PRR16: variants seen among roughly 807,000 people sequenced by gnomAD.
PRR16 encodes the protein proline rich 16.
In PRR16, 6 loss-of-function variants were observed where a neutral mutation model predicts 18.2. The observed-to-expected ratio is 0.33, with a 90% CI of 0.18 to 0.65. The LOEUF (loss-of-function observed/expected upper bound fraction) is 0.65. PRR16 is among the 30% of genes least tolerant of loss of function. PRR16 has a pLI of 0.74. For missense variants in PRR16, 412 were observed against 376.6 expected, an observed-to-expected ratio of 1.09 and a Z score of -0.78; for synonymous variants, 151 against 147.8, an observed-to-expected ratio of 1.02 and a Z score of -0.16.
intron 1 of PRR16, among the ~76,000 whole-genome samples, chr5:120,511,560 A>G (rs999786843): frequency 7.2e-5 from 11 of 152,098 alleles, no homozygotes; most frequent in Non-Finnish European, 1.5e-4. Flanking sequence ...TAAGTTCTTC[A>G]TGGAAGTTTT....
At chr5:120,634,565 C>A (rs1487960171) in intron 1 of PRR16, among the ~76,000 whole-genome samples, 1 of 152,098 alleles carries the variant, frequency 6.6e-6, no homozygotes, top group Non-Finnish European at 1.5e-5. Flanking sequence ...ATCACTTGAA[C>A]CCAGGAGGTG....
the PRR16 span, among the ~76,000 whole-genome samples, chr5:120,775,964 C>A: frequency 1.6e-4 from 25 of 151,764 alleles, no homozygotes; most frequent in African/African-American, 5.8e-4. Flanking sequence ...ATAAATCTAA[C>A]CAGCTTACTT....
At chr5:120,498,296 A>G (rs1402660466) in intron 1 of PRR16, among the ~76,000 whole-genome samples, 1 of 149,156 alleles carries the variant, frequency 6.7e-6, no homozygotes, top group Non-Finnish European at 1.5e-5. Context: ...GTGTATATAT[A>G]TAAAAATACC....
chr5:120,496,628 A>G (rs1561517014), intron 1 of PRR16, among the ~76,000 whole-genome samples: 1 of 151,608 alleles, frequency 6.6e-6, no homozygotes, highest in Non-Finnish European at 1.5e-5. Context: ...CGAGATTTGT[A>G]AATTTATTTT....
At chr5:120,651,746 T>C (rs993116316) in intron 1 of PRR16, among the ~76,000 whole-genome samples, 49 of 152,216 alleles carry the variant, frequency 3.2e-4, no homozygotes, top group Non-Finnish European at 6.5e-4. Flanking sequence ...GTAATATAGC[T>C]TGAAGTCAGG....
chr5:120,497,482 C>T (rs758602685), intron 1 of PRR16, among the ~76,000 whole-genome samples: 1 of 149,428 alleles, frequency 6.7e-6, no homozygotes, highest in Non-Finnish European at 1.5e-5. Context: ...CCTCCGTCTC[C>T]TGGTTCACAC....
chr5:120,727,547 A>G, the PRR16 span, among the ~76,000 whole-genome samples: 1 of 152,144 alleles, frequency 6.6e-6, no homozygotes, highest in African/African-American at 2.4e-5. Context: ...TTAGAAAGCC[A>G]GGAGAATATT....
At chr5:120,643,730 C>T (rs1755498927) in intron 1 of PRR16, among the ~76,000 whole-genome samples, 1 of 152,012 alleles carries the variant, frequency 6.6e-6, no homozygotes, top group Admixed American at 6.6e-5. Context: ...TTAGGCTGGG[C>T]ATGGTGGCTC....
chr5:120,564,654 C>G (rs1752679465), intron 1 of PRR16, among the ~76,000 whole-genome samples: 1 of 152,128 alleles, frequency 6.6e-6, no homozygotes, highest in East Asian at 1.9e-4. Context: ...GTCAGTGATT[C>G]AAGCCCTCCT....
chr5:120,711,828 C>T, the PRR16 span, among the ~76,000 whole-genome samples: 1 of 152,176 alleles, frequency 6.6e-6, no homozygotes, highest in Non-Finnish European at 1.5e-5. Context: ...ATAACTTACA[C>T]TTCTCTTTAC....
the PRR16 span, among the ~76,000 whole-genome samples, chr5:120,736,131 G>A: frequency 6.6e-6 from 1 of 152,112 alleles, no homozygotes; most frequent in Admixed American, 6.6e-5. Flanking sequence ...GACCACACAC[G>A]CAAGGTTTTA....
chr5:120,619,547 A>T (rs1214965391), intron 1 of PRR16, among the ~76,000 whole-genome samples: 2 of 152,130 alleles, frequency 1.3e-5, no homozygotes, highest in Non-Finnish European at 2.9e-5. Flanking sequence ...ATCGACTAGC[A>T]GTTGTCACTC....
intron 1 of PRR16, among the ~76,000 whole-genome samples, chr5:120,494,165 A>T (rs140814533): frequency 7.9e-5 from 12 of 152,236 alleles, no homozygotes; most frequent in African/African-American, 2.6e-4. Flanking sequence ...TGTATAAGTT[A>T]TCTGGTTTCA....
chr5:120,528,478 C>T (rs1402264845), intron 1 of PRR16, among the ~76,000 whole-genome samples: 2 of 152,070 alleles, frequency 1.3e-5, no homozygotes, highest in Non-Finnish European at 2.9e-5. Flanking sequence ...CCTGACATAA[C>T]AGGGAGGCTG....
chr5:120,479,039 C>T (rs1164381869), intron 1 of PRR16, among the ~76,000 whole-genome samples: 3 of 151,950 alleles, frequency 2.0e-5, no homozygotes, highest in Admixed American at 6.6e-5. Flanking sequence ...GGTAATATCA[C>T]TCTGGCTTCT....
At chr5:120,540,924 C>T (rs1338377481) in intron 1 of PRR16, among the ~76,000 whole-genome samples, 1 of 152,114 alleles carries the variant, frequency 6.6e-6, no homozygotes, top group Non-Finnish European at 1.5e-5. Flanking sequence ...TTTCAGCCCA[C>T]CCTGACAGAA....
At chr5:120,758,018 T>C in the PRR16 span, among the ~76,000 whole-genome samples, 1 of 62,020 alleles carries the variant, frequency 1.6e-5, no homozygotes, top group South Asian at 8.0e-4. Flanking sequence ...ATGGCTACTT[T>C]TGTAATTTTA....
intron 1 of PRR16, chr5:120,618,509 G>A: frequency 4.2e-6 from 4 of 962,900 alleles, no homozygotes; most frequent in Non-Finnish European, 4.9e-6. Context: ...AAAACAAGAG[G>A]GAATGGTATT....
chr5:120,498,808 G>A (rs1750346795), intron 1 of PRR16, among the ~76,000 whole-genome samples: 1 of 151,902 alleles, frequency 6.6e-6, no homozygotes, highest in African/African-American at 2.4e-5. Context: ...ATTCTAGGTA[G>A]CTAGTTCTTT....
Sources: allele counts gnomAD v4.1 joint callset (sites outside exome capture counted in the v4.1 genomes callset), GRCh38; gene constraint gnomAD v4.1.1; transcripts MANE v1.5; gene names NCBI Gene and HGNC (gene_info 2026-07-23, HGNC 2026-07-21).